CARS1: variants seen among roughly 807,000 people sequenced by gnomAD.
The protein encoded by CARS1 is cysteinyl-tRNA synthetase 1.
CARS1 carries 48 observed loss-of-function variants against 106.2 expected under a neutral mutation model. That is an observed-to-expected ratio of 0.45 (90% CI 0.36 to 0.57). CARS1 has a LOEUF of 0.57. Among genes scored for constraint, CARS1 ranks in the 20% least tolerant of loss-of-function variants. The pLI is 0.00. For missense variants in CARS1, 968 were observed against 1,057.2 expected, an observed-to-expected ratio of 0.92 and a Z score of 1.17; for synonymous variants, 409 against 403.4, an observed-to-expected ratio of 1.01 and a Z score of -0.17.
chr11:3,003,144 G>T lies in CARS1; in HGVS notation c.2218-544C>A, dbSNP rs1849549737. Among the ~76,000 whole-genome samples the T allele has an allele frequency of 6.6e-6, 1 of 152,196 alleles. No individual in the cohort carries two copies. Among genetic ancestry groups the T allele is most frequent in the Admixed American group, 6.5e-5 (1 of 15,288 alleles). ...GGGCGAGGACAGTCTGATGCTGCAG[G>T]GAGAGCTTATTAGTGGAGCCAGCAG... is the stretch of plus-strand genomic sequence containing the variant. On this transcript the variant is annotated intron_variant, in intron 20 of 22. Coordinates refer to ENST00000380525, the MANE Select transcript of CARS1 (RefSeq NM_001014437.3). The surrounding 1 kb of genome is among the most constrained non-coding windows in gnomAD (Gnocchi z 4.8).
At chr11:3,027,020 C>A in intron 9 of CARS1, 1 of 490,462 alleles carries the variant, frequency 2.0e-6, no homozygotes, top group Non-Finnish European at 3.6e-6. Context: ...CAGCTCGTCC[C>A]TCTGCCTGGC....
intron 17 of CARS1, among the ~76,000 whole-genome samples, chr11:3,013,866 C>T (rs931753994): frequency 1.3e-5 from 2 of 152,192 alleles, no homozygotes; most frequent in African/African-American, 4.8e-5. Flanking sequence ...GCTGCTCACA[C>T]TCCTATATCC....
Position 3,048,071 on chromosome 11 carries a change from G to C in CARS1, c.26-70C>G. The stretch of plus-strand genomic sequence containing the variant: ...GCCCAGAGGCCGCCAGAAAGACAGG[G>C]ACTAGGGGATGGCACAGAACCAAGG... On this transcript the variant is annotated intron_variant, in intron 1 of 22. Transcript: ENST00000380525. This position sits in a 1 kb window ranked among gnomAD's most constrained non-coding sequence, Gnocchi z 5.1. 1.5e-5 allele frequency: 24 copies of C among 1,568,672 alleles called. No individual in the cohort carries two copies. The highest frequency in any genetic ancestry group is 6.7e-5 in the African/African-American group (5 of 74,086).
In CARS1 at chr11:3,006,784, T is replaced by C. The variant is rs1263323789; in HGVS notation, c.2149+95A>G. ...CTTTGGGATTCTGCATCAGCAATCA[T>C]GAAGCATGAGCCTCAGCCCAGCCCC... is the stretch of plus-strand genomic sequence containing the variant. On this transcript the variant is annotated intron_variant, in intron 19 of 22. Transcript: ENST00000380525. 3.0e-6 allele frequency: 3 copies of C among 986,512 alleles called. No homozygotes were observed. The African/African-American group carries it at 4.7e-5, about 16-fold the overall frequency. The allele number at this position is 986,512 out of a possible 1,614,324, so 61.1% of individuals were successfully genotyped here.
In CARS1 at chr11:3,021,262, C is replaced by T. The variant is rs1269019041; in HGVS notation, c.1154-930G>A. On this transcript the variant is annotated intron_variant, in intron 10 of 22. Transcript: ENST00000380525. The surrounding 1 kb of genome is among the most constrained non-coding windows in gnomAD (Gnocchi z 5.3). ...GTCACGCAGAGAATCACCCTTTGTT[C>T]GATGAATGGGCAGAGCAGAGGTCTT... Among the ~76,000 whole-genome samples the T allele has an allele frequency of 2.0e-5, 3 of 152,194 alleles. No homozygotes were observed. The highest frequency in any genetic ancestry group is 2.1e-4 in the South Asian group (1 of 4,832).
rs1029194411 is a variant in CARS1 at position 3,055,166 on chromosome 11, T to A, written c.25+2177A>T. 8 of 202,780 alleles carry A rather than the reference T, an allele frequency of 3.9e-5. No homozygotes were observed. In the Admixed American group the frequency reaches 4.8e-4, roughly 12 times the overall value. 12.6% of individuals were successfully genotyped at this position (202,780 alleles called of 1,614,324 possible). The stretch of plus-strand genomic sequence containing the variant: ...GTCACTGAAAGCATTTACGATTGGA[T>A]TTTTTTTTTTTTGAGACGGAGTCTC... On this transcript the variant is annotated intron_variant, in intron 1 of 22. Coordinates refer to ENST00000380525, the MANE Select transcript of CARS1 (RefSeq NM_001014437.3).
rs1854348128 is a variant in CARS1 at position 3,040,820 on chromosome 11, G to A, written c.455+76C>T. Reference sequence around the variant, plus strand: ...CTAAGATCTTTGTGGACCTAAGATCGCTGCTGTGGATCCCAATGGCTCTGA... The same window carrying A: ...CTAAGATCTTTGTGGACCTAAGATCACTGCTGTGGATCCCAATGGCTCTGA... On this transcript the variant is annotated intron_variant, in intron 4 of 22. Coordinates refer to ENST00000380525, the MANE Select transcript of CARS1 (RefSeq NM_001014437.3). The surrounding 1 kb of genome is among the most constrained non-coding windows in gnomAD (Gnocchi z 5.8). 1.5e-5 allele frequency: 22 copies of A among 1,473,276 alleles called. No homozygotes were observed. The highest frequency in any genetic ancestry group is 1.8e-5 in the Non-Finnish European group (19 of 1,071,808). 91.3% of individuals were successfully genotyped at this position (1,473,276 alleles called of 1,614,324 possible). A position where few individuals can be genotyped will look rare whatever the true frequency, so the allele number is the denominator to read the frequency against.
rs1853757819 is a variant in CARS1, at chr11:3,037,180, T to TTC, written c.801+869_801+870insGA. ...ATGTGGGTCGTCCCAGAAGCACAGC[T>TTC]TGGGTGAAAGCACACTGACGACTAC... is the stretch of plus-strand genomic sequence containing the variant. On this transcript the variant is annotated intron_variant, in intron 7 of 22. Transcript: ENST00000380525. The surrounding 1 kb of genome is among the most constrained non-coding windows in gnomAD (Gnocchi z 5.9). Among the ~76,000 whole-genome samples, 1 of 152,138 alleles carries TTC rather than the reference T, an allele frequency of 6.6e-6. No homozygotes were observed. The highest frequency in any genetic ancestry group is 1.9e-4 in the East Asian group (1 of 5,198).
In CARS1 at chr11:3,020,701, C is replaced by T. The variant is rs1027339736; in HGVS notation, c.1154-369G>A. Among the ~76,000 whole-genome samples, 4 of 152,140 alleles carry T rather than the reference C, an allele frequency of 2.6e-5. No individual in the cohort carries two copies. The highest frequency in any genetic ancestry group is 2.1e-4 in the South Asian group (1 of 4,826). ...AAAGCTAGGAGGTGACATAGTGGTG[C>T]AGCCACTGGGGCATGGCTCAGGGAT... On this transcript the variant is annotated intron_variant, in intron 10 of 22. Transcript: ENST00000380525. The surrounding 1 kb of genome is among the most constrained non-coding windows in gnomAD (Gnocchi z 4.6).
chr11:3,027,888 C>T (rs1852271510), intron 9 of CARS1: 1 of 453,622 alleles, frequency 2.2e-6, no homozygotes, highest in South Asian at 1.6e-5. Context: ...CTCCCTTGCC[C>T]CGCGGGAGTC....
intron 1 of CARS1, chr11:3,054,893 C>T (rs1856043337): frequency 1.4e-6 from 1 of 702,566 alleles, no homozygotes; most frequent in Non-Finnish European, 2.6e-6. Flanking sequence ...AGCAGCCGAC[C>T]AAGTGGTATC....
At position 3,037,547 on chromosome 11, in the gene CARS1, C is replaced by T. The variant is rs745583344; in HGVS notation, c.801+503G>A. 4.6e-5 allele frequency among the ~76,000 whole-genome samples: 7 copies of T among 152,220 alleles called. No homozygotes were observed. The highest frequency in any genetic ancestry group is 8.8e-5 in the Non-Finnish European group (6 of 68,034). ...AAAGGCCTGAGGAAGAGGGCAGGGT[C>T]CCCTCTGCACCCAGGTCTCTGCCCT... On this transcript the variant is annotated intron_variant, in intron 7 of 22. Coordinates refer to ENST00000380525, the MANE Select transcript of CARS1 (RefSeq NM_001014437.3). The surrounding 1 kb of genome is among the most constrained non-coding windows in gnomAD (Gnocchi z 5.9).
chr11:3,002,098 T>A, intron 21 of CARS1, 45 bp from the exon 22 acceptor site: 3 of 1,312,780 alleles, frequency 2.3e-6, no homozygotes, highest in South Asian at 2.4e-5. Context: ...GAGCAGCACC[T>A]GGGGCTCCGC....
rs1380285372 is a variant in CARS1, at chr11:3,038,914, TG to T, written c.651+279del. Among the ~76,000 whole-genome samples, 66 of 152,286 alleles carry T rather than the reference TG, an allele frequency of 4.3e-4. No individual in the cohort carries two copies. Among genetic ancestry groups the T allele is most frequent in the Middle Eastern group, 3.4e-3 (1 of 294 alleles). ...CAATATTGGTAAGCATTTTTATAAG[TG>T]TAATTAGTGGCACTGTGATGAATTC... On this transcript the variant is annotated intron_variant, in intron 6 of 22. Transcript: ENST00000380525. The surrounding 1 kb of genome is among the most constrained non-coding windows in gnomAD (Gnocchi z 4.0).
Position 3,047,743 on chromosome 11 carries a change from T to G in CARS1, c.274+10A>C. The G allele has an allele frequency of 6.2e-7, 1 of 1,604,078 alleles. No homozygotes were observed. Among genetic ancestry groups the G allele is most frequent in the Non-Finnish European group, 8.5e-7 (1 of 1,173,326 alleles). On this transcript the variant is annotated intron_variant, in intron 2 of 22. Transcript: ENST00000380525. ...GTTCTAATGGCCAGGGAACCCACTC[T>G]GTTACTCACTTGCTTGGAGCCTGCA...
chr11:3,045,053 T>C lies in CARS1; in HGVS notation c.274+2700A>G, dbSNP rs915635441. Among the ~76,000 whole-genome samples the C allele has an allele frequency of 1.3e-5, 2 of 152,138 alleles. No individual in the cohort carries two copies. Among genetic ancestry groups the C allele is most frequent in the African/African-American group, 2.4e-5 (1 of 41,418 alleles). ...CCCACACCCTCCTCAGTGAAGGGTA[T>C]AGCTGACACTCCTTCCCGGGGGGTA... On this transcript the variant is annotated intron_variant, in intron 2 of 22. Transcript: ENST00000380525. This position sits in a 1 kb window ranked among gnomAD's most constrained non-coding sequence, Gnocchi z 5.6.
chr11:3,035,148 AT>A (rs761767352), intron 7 of CARS1, among the ~76,000 whole-genome samples: 2 of 152,174 alleles, frequency 1.3e-5, no homozygotes, highest in Non-Finnish European at 2.9e-5. Flanking sequence ...TACACTAGGG[AT>A]TAAGTTTCAG....
rs1327071546 is a variant in CARS1 at position 3,041,176 on chromosome 11, A to T, written c.367-192T>A. 7.9e-6 allele frequency: 6 copies of T among 757,062 alleles called. No homozygotes were observed. The highest frequency in any genetic ancestry group is 1.2e-5 in the Non-Finnish European group (6 of 487,988). 46.9% of individuals were successfully genotyped at this position (757,062 alleles called of 1,614,324 possible). A position where few individuals can be genotyped will look rare whatever the true frequency, so the allele number is the denominator to read the frequency against. Reference sequence around the variant, plus strand: ...GTGAGATGTACGGCACCTCCCACCAACTGAGCCCTGGGTGGGTGGGGCCTC... The same window carrying T: ...GTGAGATGTACGGCACCTCCCACCATCTGAGCCCTGGGTGGGTGGGGCCTC... On this transcript the variant is annotated intron_variant, in intron 3 of 22. Transcript: ENST00000380525. This position sits in a 1 kb window ranked among gnomAD's most constrained non-coding sequence, Gnocchi z 4.9.
intron 18 of CARS1, among the ~76,000 whole-genome samples, chr11:3,011,120 C>G (rs903697574): frequency 4.6e-5 from 7 of 152,248 alleles, no homozygotes; most frequent in Admixed American, 6.5e-5. Context: ...CCCAGCACAT[C>G]CTAAGTCCTC....
Sources: gnomAD v4.1 joint callset for allele counts (sites outside exome capture counted in the v4.1 genomes callset) on GRCh38, gnomAD v4.1.1 for gene constraint, Gnocchi (gnomAD v3.1) non-coding constraint, MANE v1.5 for transcripts, NCBI Gene and HGNC (gene_info 2026-07-23, HGNC 2026-07-21) for gene names.